Variants in TEAD1 observed in about 807,000 individuals in gnomAD.
TEAD1 encodes transcriptional enhancer factor TEF-1.
TEAD1 carries 9 observed loss-of-function variants against 54.9 expected under a neutral mutation model. That is an observed-to-expected ratio of 0.16 (90% confidence interval 0.10 to 0.29). TEAD1 has a LOEUF of 0.29. TEAD1 is among the 10% of genes least tolerant of loss of function. TEAD1 has a pLI of 1.00. For synonymous variants in TEAD1, 200 were observed against 187.8 expected (o/e 1.07, Z -0.53); for missense variants, 387 against 535.9 (o/e 0.72, Z 2.74).
intron 3 of TEAD1, among the ~76,000 whole-genome samples, chr11:12,776,401 T>G (rs2133941939): frequency 6.6e-6 from 1 of 152,184 alleles, no homozygotes; most frequent in South Asian, 2.1e-4. Context: ...GTAGACGTGG[T>G]TTATTCCTAG....
At chr11:12,706,764 CCTT>C (rs1460178339) in intron 2 of TEAD1, among the ~76,000 whole-genome samples, 2 of 152,154 alleles carry the variant, frequency 1.3e-5, no homozygotes, top group African/African-American at 2.4e-5. Flanking sequence ...ATGCACATGT[CCTT>C]CTACGGTTCA....
intron 3 of TEAD1, among the ~76,000 whole-genome samples, chr11:12,853,586 C>T (rs188931085): frequency 6.6e-6 from 1 of 152,134 alleles, no homozygotes; most frequent in South Asian, 2.1e-4. Context: ...AAGAAAACTT[C>T]ATTCATATTT....
Position 12,901,869 on chromosome 11 carries a change from A to G in TEAD1, c.700-71A>G, listed in dbSNP as rs1948431314. The G allele has an allele frequency of 2.5e-6, 4 of 1,594,912 alleles. No individual in the cohort carries two copies. The Admixed American group carries it at 5.0e-5, about 20-fold the overall frequency. ...ATTTTGGTACTACTGCTCTTTATCCAGTTCAAGATGGATGAGTTCCAGGTT... is the reference window on the plus strand; with the variant it reads ...ATTTTGGTACTACTGCTCTTTATCCGGTTCAAGATGGATGAGTTCCAGGTT... On this transcript the variant is annotated intron_variant, in intron 9 of 12. Transcript: ENST00000527636.
chr11:12,787,950 A>G (rs1409875254), intron 3 of TEAD1, among the ~76,000 whole-genome samples: 1 of 149,060 alleles, frequency 6.7e-6, no homozygotes, highest in East Asian at 2.0e-4. Flanking sequence ...TTCAGACTGT[A>G]TAAATCTTTC....
chr11:12,896,252 T>C (rs765725256), intron 9 of TEAD1, among the ~76,000 whole-genome samples: 1 of 152,206 alleles, frequency 6.6e-6, no homozygotes, highest in Non-Finnish European at 1.5e-5. Context: ...TGGTGAGATA[T>C]AAATCAGGTC....
rs1310699960 is a variant in TEAD1, at chr11:12,939,272, C to T, written c.*2050C>T. On this transcript the variant is annotated 3_prime_UTR_variant, in exon 13 of 13. Transcript: ENST00000527636. ...CAGGTGTCCCCTTTCACGGTTGTCA[C>T]ATTTACAGTGACTTCTGTTGAACAC... 6.6e-6 allele frequency: 1 copy of T among 152,268 alleles called. No homozygotes were observed. 9.4% of individuals were successfully genotyped at this position (152,268 alleles called of 1,614,324 possible).
chr11:12,904,947 A>G, intron 10 of TEAD1: 1 of 261,104 alleles, frequency 3.8e-6, no homozygotes, highest in Non-Finnish European at 8.0e-6. Flanking sequence ...TGTCTGGTAC[A>G]TCAATAATTT....
At position 12,814,775 on chromosome 11, in the gene TEAD1, CTCTG is replaced by C. The variant is rs1249466306; in HGVS notation, c.203-47473_203-47470del. On this transcript the variant is annotated intron_variant, in intron 3 of 12. Transcript: ENST00000527636. ...CCAGCCACCCCTGACCATCGCAGAG[CTCTG>C]TGTGTGTGTGTGTGTGTGTGTGTGT... Among the ~76,000 whole-genome samples, 400 of 142,236 alleles carry C rather than the reference CTCTG, an allele frequency of 2.8e-3. 13 individuals are homozygous for C. Among genetic ancestry groups the C allele is most frequent in the Admixed American group, 8.2e-3 (116 of 14,064 alleles). 93.3% of individuals were successfully genotyped at this position (142,236 alleles called of 152,430 possible).
chr11:12,865,918 G>A (rs1947606130), intron 5 of TEAD1, among the ~76,000 whole-genome samples: 2 of 152,128 alleles, frequency 1.3e-5, no homozygotes, highest in Non-Finnish European at 2.9e-5. Context: ...TTGTGGTTTT[G>A]TTCTGAACTA....
intron 10 of TEAD1, among the ~76,000 whole-genome samples, chr11:12,911,614 G>A (rs1182424469): frequency 6.6e-6 from 1 of 151,384 alleles, no homozygotes; most frequent in Non-Finnish European, 1.5e-5. Flanking sequence ...GAAGTATCAC[G>A]ATATTCAGAG....
At chr11:12,757,413 C>A (rs555292471) in intron 2 of TEAD1, among the ~76,000 whole-genome samples, 2 of 152,196 alleles carry the variant, frequency 1.3e-5, no homozygotes, top group Middle Eastern at 3.2e-3. Flanking sequence ...TCAAAAGTTA[C>A]CATTCTCCTC....
intron 2 of TEAD1, among the ~76,000 whole-genome samples, chr11:12,680,703 G>C (rs1163058841): frequency 6.6e-6 from 1 of 152,186 alleles, no homozygotes; most frequent in Non-Finnish European, 1.5e-5. Context: ...AAGTGTGTGT[G>C]TGTTTCAAAT....
chr11:12,855,276 T>TC (rs1589927874), intron 3 of TEAD1, among the ~76,000 whole-genome samples: 6 of 152,246 alleles, frequency 3.9e-5, no homozygotes, highest in Admixed American at 6.5e-5. Flanking sequence ...TCTTTTTTTT[T>TC]CTTTTTTCTT....
intron 3 of TEAD1, among the ~76,000 whole-genome samples, chr11:12,821,758 G>A (rs1349368899): frequency 1.3e-5 from 2 of 151,916 alleles, no homozygotes; most frequent in East Asian, 3.9e-4. Flanking sequence ...ACCTATGGCC[G>A]GATATGAATT....
intron 9 of TEAD1, among the ~76,000 whole-genome samples, chr11:12,890,223 G>A (rs1029818724): frequency 5.3e-5 from 8 of 152,276 alleles, no homozygotes; most frequent in African/African-American, 1.9e-4. Context: ...CCATGTCACT[G>A]TACTTTTGAA....
intron 3 of TEAD1, among the ~76,000 whole-genome samples, chr11:12,782,695 T>C (rs1465654666): frequency 6.6e-6 from 1 of 152,222 alleles, no homozygotes; most frequent in South Asian, 2.1e-4. Context: ...CTTGATAAAT[T>C]GGTAAATGTT....
rs1947745996 is a variant in TEAD1, at chr11:12,871,559, G to A, written c.330+6659G>A. On this transcript the variant is annotated intron_variant, in intron 5 of 12. Coordinates refer to ENST00000527636, the MANE Select transcript of TEAD1 (RefSeq NM_021961.6). ...AGGAGTCTCTTTGCCTGTATGTTCA[G>A]TTGCCCTAAGAAGTTGTTCAGACCC... is the stretch of plus-strand genomic sequence containing the variant. Among the ~76,000 whole-genome samples, 3 of 152,232 alleles carry A rather than the reference G, an allele frequency of 2.0e-5. 1 individual carries two copies. In the East Asian group the frequency reaches 5.8e-4, roughly 29 times the overall value.
At chr11:12,894,838 G>A (rs947087217) in intron 9 of TEAD1, among the ~76,000 whole-genome samples, 2 of 152,150 alleles carry the variant, frequency 1.3e-5, no homozygotes, top group Non-Finnish European at 2.9e-5. Context: ...AATAACAACA[G>A]CAAATTACGT....
chr11:12,864,399 C>T (rs1340523217), intron 4 of TEAD1, among the ~76,000 whole-genome samples: 2 of 152,128 alleles, frequency 1.3e-5, no homozygotes, highest in Non-Finnish European at 2.9e-5. Context: ...CCCATGATTT[C>T]TCTTGGGTGG....
Sources: allele counts gnomAD v4.1 joint callset (sites outside exome capture counted in the v4.1 genomes callset), GRCh38; gene constraint gnomAD v4.1.1; transcripts MANE v1.5; gene names NCBI Gene and HGNC (gene_info 2026-07-23, HGNC 2026-07-21).